Variants in SH3BGR observed in about 807,000 individuals in gnomAD.
SH3BGR encodes the protein SH3 domain-binding glutamic acid-rich protein.
In SH3BGR, 29 loss-of-function variants were observed where a neutral mutation model predicts 24.5. That is an observed-to-expected ratio of 1.18 (90% CI 0.88 to 1.61). SH3BGR has a LOEUF of 1.61. SH3BGR is among the 40% of genes most tolerant of loss of function. The pLI is 0.00. For missense variants in SH3BGR, 162 were observed against 205.8 expected (o/e 0.79, Z 1.30); for synonymous variants, 55 against 65.7 (o/e 0.84, Z 0.79).
chr21:39,493,115 A>G (rs2078332288), intron 3 of SH3BGR, among the ~76,000 whole-genome samples: 1 of 152,094 alleles, frequency 6.6e-6, no homozygotes, highest in African/African-American at 2.4e-5. Context: ...AAAGCTCTTT[A>G]GTTTAATTCA....
At chr21:39,483,504 A>C (rs1209727622) in intron 3 of SH3BGR, among the ~76,000 whole-genome samples, 2 of 152,182 alleles carry the variant, frequency 1.3e-5, no homozygotes, top group African/African-American at 4.8e-5. Flanking sequence ...AATCTGTCTC[A>C]TTCAGCATGA....
chr21:39,480,386 C>T lies in SH3BGR; in HGVS notation c.312+5171C>T, dbSNP rs1299309540. 6.6e-5 allele frequency among the ~76,000 whole-genome samples: 10 copies of T among 152,230 alleles called. No homozygotes were observed. The South Asian group carries it at 2.1e-3, about 32-fold the overall frequency. On this transcript the variant is annotated intron_variant, in intron 3 of 6. Coordinates refer to ENST00000333634, the MANE Select transcript of SH3BGR (RefSeq NM_007341.3). ...TCCTGCCTAGGGAACCACTCAAATG[C>T]TTTCGTTCTCTGCAGGCTTGCCTCA... is the stretch of plus-strand genomic sequence containing the variant.
At chr21:39,452,949 A>G (rs1385450465) in intron 1 of SH3BGR, among the ~76,000 whole-genome samples, 2 of 152,248 alleles carry the variant, frequency 1.3e-5, no homozygotes, top group African/African-American at 4.8e-5. Flanking sequence ...CCAGCATTTT[A>G]GCAGCAGTTA....
At chr21:39,462,320 A>T in intron 1 of SH3BGR, 55 bp from the exon 2 acceptor site, 1 of 1,378,816 alleles carries the variant, frequency 7.3e-7, no homozygotes, top group Non-Finnish European at 1.0e-6. Context: ...AATTTTTGTA[A>T]ATGTAAGCAA....
intron 4 of SH3BGR, among the ~76,000 whole-genome samples, chr21:39,504,370 G>A (rs1267444497): frequency 6.6e-6 from 1 of 152,162 alleles, no homozygotes; most frequent in African/African-American, 2.4e-5. Flanking sequence ...TCTGAGGCTG[G>A]CTGCCCTTGC....
chr21:39,459,047 T>C (rs1388906973), intron 1 of SH3BGR, among the ~76,000 whole-genome samples: 2 of 152,058 alleles, frequency 1.3e-5, no homozygotes, highest in African/African-American at 2.4e-5. Context: ...GGTTTTTTTT[T>C]TTTCACCCAA....
chr21:39,492,443 GGTGT>G (rs1164205385), intron 3 of SH3BGR, among the ~76,000 whole-genome samples: 62 of 136,622 alleles, frequency 4.5e-4, no homozygotes, highest in East Asian at 4.4e-4. Context: ...AGTTTCCCTT[GGTGT>G]GTGTGTGTGT....
intron 3 of SH3BGR, among the ~76,000 whole-genome samples, chr21:39,481,693 C>A (rs1430064191): frequency 6.6e-6 from 1 of 152,138 alleles, no homozygotes; most frequent in Non-Finnish European, 1.5e-5. Context: ...AAGAGAAGAT[C>A]CAAACATTTT....
chr21:39,451,508 T>A (rs572090221), upstream of SH3BGR, among the ~76,000 whole-genome samples: 52 of 152,192 alleles, frequency 3.4e-4, no homozygotes, highest in East Asian at 9.7e-4. Context: ...ACTTAAAAAA[T>A]TTTTTTTAAC....
At chr21:39,451,812 T>TAGGACTATCACTTTTAA (rs1297732725), upstream of SH3BGR, 1 of 1,366,308 alleles carries the variant, frequency 7.3e-7, no homozygotes, top group East Asian at 2.5e-5. Flanking sequence ...TTTAAAGTGA[T>TAGGACTATCACTTTTAA]AGGGAAAGGG....
At chr21:39,461,663 CTGA>C (rs1312738518) in intron 1 of SH3BGR, among the ~76,000 whole-genome samples, 3 of 152,208 alleles carry the variant, frequency 2.0e-5, no homozygotes, top group Non-Finnish European at 2.9e-5. Context: ...CTGTGATTGG[CTGA>C]AGCTTGTCTG....
At chr21:39,461,211 A>G (rs1428260586) in intron 1 of SH3BGR, among the ~76,000 whole-genome samples, 1 of 144,602 alleles carries the variant, frequency 6.9e-6, no homozygotes, top group East Asian at 2.0e-4. Flanking sequence ...ATCTTGGCTC[A>G]CTGCAACCTC....
intron 3 of SH3BGR, among the ~76,000 whole-genome samples, chr21:39,484,402 G>A (rs911534609): frequency 1.3e-5 from 2 of 152,136 alleles, no homozygotes; most frequent in Non-Finnish European, 2.9e-5. Flanking sequence ...ATGTAAATGG[G>A]ACAGGTTTGT....
At chr21:39,464,469 TG>T (rs1204166355) in intron 2 of SH3BGR, among the ~76,000 whole-genome samples, 1 of 152,178 alleles carries the variant, frequency 6.6e-6, no homozygotes, top group Non-Finnish European at 1.5e-5. Context: ...GTGATCCACC[TG>T]CCTTGGCCTC....
At chr21:39,467,580 G>C (rs1047739865) in intron 2 of SH3BGR, among the ~76,000 whole-genome samples, 2 of 152,088 alleles carry the variant, frequency 1.3e-5, no homozygotes, top group African/African-American at 4.8e-5. Context: ...TTTAAAAGGA[G>C]ACTCAAAAAT....
At chr21:39,508,889 G>C (rs760072759) in intron 4 of SH3BGR, 109 bp from the exon 5 acceptor site, 462 of 759,614 alleles carry the variant, frequency 6.1e-4, no homozygotes, top group Non-Finnish European at 8.4e-4. Context: ...CTAATGTGTT[G>C]TTCATTTTGA....
upstream of SH3BGR, chr21:39,451,766 A>G: frequency 2.8e-6 from 3 of 1,066,076 alleles, no homozygotes; most frequent in South Asian, 4.2e-5. Context: ...ATTGGTGCAC[A>G]GCACAGCCTG....
intron 3 of SH3BGR, among the ~76,000 whole-genome samples, chr21:39,476,436 G>C (rs1329312740): frequency 6.6e-6 from 1 of 152,128 alleles, no homozygotes; most frequent in African/African-American, 2.4e-5. Flanking sequence ...AAGGAGGGCT[G>C]GTAGTGAGAA....
intron 3 of SH3BGR, among the ~76,000 whole-genome samples, chr21:39,493,124 C>T (rs2078332422): frequency 6.6e-6 from 1 of 152,086 alleles, no homozygotes; most frequent in Non-Finnish European, 1.5e-5. Flanking sequence ...TAGTTTAATT[C>T]AGTCCCAGCT....
Sources: gnomAD v4.1 joint callset for allele counts (sites outside exome capture counted in the v4.1 genomes callset) on GRCh38, gnomAD v4.1.1 for gene constraint, MANE v1.5 for transcripts, NCBI Gene and HGNC (gene_info 2026-07-23, HGNC 2026-07-21) for gene names.